Variants in LEUTX observed in about 807,000 individuals in gnomAD.
LEUTX encodes leucine twenty homeobox, also known as paired-like homeodomain transcription factor LEUTX.
In LEUTX, 5 loss-of-function variants were observed where a neutral mutation model predicts 4.5. The ratio of observed to expected loss-of-function variants is 1.11; its 90% CI spans 0.58 to 2.34. The LOEUF (loss-of-function observed/expected upper bound fraction) is 2.34. Ranked by LOEUF, LEUTX falls within the 30% of genes most tolerant of loss-of-function variation. The pLI is 0.01. For missense variants in LEUTX, 233 were observed against 239.4 expected, an observed-to-expected ratio of 0.97 and a Z score of 0.18; for synonymous variants, 89 against 85.1, an observed-to-expected ratio of 1.05 and a Z score of -0.25.
chr19:39,784,979 T>C (rs1349568924), intron 2 of LEUTX, among the ~76,000 whole-genome samples: 1 of 152,132 alleles, frequency 6.6e-6, no homozygotes, highest in Non-Finnish European at 1.5e-5. Flanking sequence ...ATACTCCCAT[T>C]TGGGTCTGTT....
intron 1 of LEUTX, among the ~76,000 whole-genome samples, chr19:39,781,157 T>C (rs1463765891): frequency 6.6e-6 from 1 of 152,140 alleles, no homozygotes; most frequent in African/African-American, 2.4e-5. Flanking sequence ...GAATTTTTCT[T>C]CAATGTCCTG....
intron 1 of LEUTX, among the ~76,000 whole-genome samples, chr19:39,781,916 G>A (rs149231405): frequency 6.6e-6 from 1 of 152,158 alleles, no homozygotes; most frequent in African/African-American, 2.4e-5. Context: ...CTGGGACCAT[G>A]TTATTGTTAA....
chr19:39,776,729 G>T, upstream of LEUTX: 1 of 453,428 alleles, frequency 2.2e-6, no homozygotes, highest in Admixed American at 2.4e-5. Flanking sequence ...AGAAAAGTGA[G>T]CTGAGACTGG....
upstream of LEUTX, among the ~76,000 whole-genome samples, chr19:39,777,909 T>G (rs181232854): frequency 1.7e-3 from 264 of 152,312 alleles, no homozygotes; most frequent in African/African-American, 5.9e-3. Flanking sequence ...AGTCCAAGAC[T>G]TTTCCAAACC....
At chr19:39,779,487 T>C (rs1226827980) in intron 1 of LEUTX, among the ~76,000 whole-genome samples, 1 of 152,214 alleles carries the variant, frequency 6.6e-6, no homozygotes, top group South Asian at 2.1e-4. Flanking sequence ...TTTATATTTA[T>C]ATCATTTCCC....
At chr19:39,780,554 G>C (rs1253840189) in intron 1 of LEUTX, among the ~76,000 whole-genome samples, 1 of 151,968 alleles carries the variant, frequency 6.6e-6, no homozygotes, top group East Asian at 1.9e-4. Context: ...ACATTTTTTA[G>C]TCAGAGATAT....
upstream of LEUTX, chr19:39,776,810 G>A (rs981512785): frequency 2.6e-6 from 1 of 384,246 alleles, no homozygotes; most frequent in Non-Finnish European, 5.2e-6. Flanking sequence ...GAGCCTGGGA[G>A]GCGGAGGTTG....
At chr19:39,785,186 C>T (rs1430552886) in intron 2 of LEUTX, among the ~76,000 whole-genome samples, 3 of 152,210 alleles carry the variant, frequency 2.0e-5, no homozygotes, top group Non-Finnish European at 4.4e-5. Flanking sequence ...CACTTGTAAT[C>T]CCAGCACTTT....
chr19:39,783,178 A>G (rs998796276), intron 1 of LEUTX, among the ~76,000 whole-genome samples: 1 of 150,798 alleles, frequency 6.6e-6, no homozygotes, highest in Non-Finnish European at 1.5e-5. Flanking sequence ...ATGGTCTCCA[A>G]TCTAATCCAG....
At chr19:39,783,497 A>G (rs1967918537) in intron 1 of LEUTX, among the ~76,000 whole-genome samples, 1 of 151,300 alleles carries the variant, frequency 6.6e-6, no homozygotes, top group South Asian at 2.1e-4. Context: ...ATAATGACTT[A>G]TTTTCCTCTG....
chr19:39,786,177 A>G lies in LEUTX; in HGVS notation c.*42A>G. ...TCTAGGGGAGGTCTGGATCTGACCC[A>G]CTGAGACATATTTCCACACATCTTT... On this transcript the variant is annotated 3_prime_UTR_variant, in exon 3 of 3. Transcript: ENST00000638280. 1 of 1,384,504 alleles carries G rather than the reference A, an allele frequency of 7.2e-7. No individual in the cohort carries two copies. Among genetic ancestry groups the G allele is most frequent in the Non-Finnish European group, 9.7e-7 (1 of 1,034,488 alleles). The allele number at this position is 1,384,504 out of a possible 1,614,324, so 85.8% of individuals were successfully genotyped here. A position where few individuals can be genotyped will look rare whatever the true frequency, so the allele number is the denominator to read the frequency against.
chr19:39,784,845 A>G (rs1967940496), intron 2 of LEUTX, among the ~76,000 whole-genome samples, 167 bp downstream of exon 2: 2 of 152,236 alleles, frequency 1.3e-5, no homozygotes, highest in African/African-American at 2.4e-5. Context: ...ATTGAGGAAC[A>G]CTAAAGCTCA....
intron 2 of LEUTX, 114 bp from the exon 3 acceptor site, chr19:39,785,584 T>G: frequency 1.3e-6 from 1 of 778,876 alleles, no homozygotes; most frequent in Non-Finnish European, 2.1e-6. Context: ...GCTTCCCTTG[T>G]TCCAATAAAT....
At position 39,784,675 on chromosome 19, in the gene LEUTX, A is replaced by G; in HGVS notation, c.156A>G (p.Val52=). Residue 52 remains valine, a synonymous_variant, in exon 2 of 3, where the codon GTA becomes GTG. Transcript: ENST00000638280. ...ASKLQLDLSV[V]KIWFKNQRAK... Reference sequence around the variant, plus strand: ...AGCTACAACTTGATCTATCCGTAGTAAAGGTCTGTTCCCAAGTGTGTCTGT... The same window carrying G: ...AGCTACAACTTGATCTATCCGTAGTGAAGGTCTGTTCCCAAGTGTGTCTGT... 6.4e-7 allele frequency: 1 copy of G among 1,551,420 alleles called. No homozygotes were observed. The highest frequency in any genetic ancestry group is 8.7e-7 in the Non-Finnish European group (1 of 1,146,712).
chr19:39,784,380 T>C lies in LEUTX; in HGVS notation c.8-147T>C, dbSNP rs909729088. On this transcript the variant is annotated intron_variant, in intron 1 of 2. Transcript: ENST00000638280. Reference sequence around the variant, plus strand: ...GATTTGGTTTTCTGGTTCCTTCTCATTTGTGTAGGCTCTGTCAGAGGGACG... The same window carrying C: ...GATTTGGTTTTCTGGTTCCTTCTCACTTGTGTAGGCTCTGTCAGAGGGACG... 8.2e-6 allele frequency: 4 copies of C among 487,596 alleles called. No homozygotes were observed. In the East Asian group the frequency reaches 1.2e-4, roughly 15 times the overall value. 30.2% of individuals were successfully genotyped at this position (487,596 alleles called of 1,614,324 possible). A position where few individuals can be genotyped will look rare whatever the true frequency, so the allele number is the denominator to read the frequency against.
intron 2 of LEUTX, among the ~76,000 whole-genome samples, chr19:39,785,382 G>A (rs1195644633): frequency 6.6e-6 from 1 of 151,842 alleles, no homozygotes; most frequent in Admixed American, 6.6e-5. Flanking sequence ...AGGCTGCAGC[G>A]AGCTATGATT....
chr19:39,776,892 G>T (rs895565268), upstream of LEUTX, among the ~76,000 whole-genome samples: 4 of 152,098 alleles, frequency 2.6e-5, no homozygotes, highest in Non-Finnish European at 5.9e-5. Flanking sequence ...AAGAAAAAAG[G>T]GAAAGAAAGT....
upstream of LEUTX, among the ~76,000 whole-genome samples, chr19:39,776,948 C>A (rs539976837): frequency 1.8e-4 from 27 of 152,242 alleles, no homozygotes; most frequent in African/African-American, 6.5e-4. Flanking sequence ...ATGGCTTTGT[C>A]CTTCACTTGG....
rs980758380 is a variant in LEUTX at position 39,786,028 on chromosome 19, G to A, written c.490G>A (p.Glu164Lys). 8.4e-6 allele frequency: 13 copies of A among 1,551,568 alleles called. No individual in the cohort carries two copies. The African/African-American group carries it at 1.6e-4, about 20-fold the overall frequency. The change falls in exon 3 of 3, where the codon GAA becomes AAA. Residue 164 changes from glutamate (E) to lysine (K), a missense_variant. Coordinates refer to ENST00000638280, the MANE Select transcript of LEUTX (RefSeq NM_001382345.1). ...GGCCTCCACTCTCTTTGAAATAGAT[G>A]AATTTGTAAAGATCTATGACTTGCC... ...PWASTLFEID[E>K]FVKIYDLPGE...
Sources: allele counts gnomAD v4.1 joint callset (sites outside exome capture counted in the v4.1 genomes callset), GRCh38; gene constraint gnomAD v4.1.1; transcripts MANE v1.5; gene names NCBI Gene and HGNC (gene_info 2026-07-23, HGNC 2026-07-21).